Variants in HOXC5 observed in about 807,000 individuals in gnomAD.
HOXC5 encodes the protein homeobox protein Hox-C5.
Under a neutral mutation model 20.1 loss-of-function variants are expected in HOXC5, and 19 were observed. The observed-to-expected ratio is 0.94, with a 90% CI of 0.66 to 1.38. HOXC5 has a LOEUF of 1.38. HOXC5 is among the 40% of genes most tolerant of loss of function. The probability of loss-of-function intolerance (pLI) is 0.00; values close to 1 mark genes in which losing one functional copy is unlikely to be tolerated. For synonymous variants in HOXC5, 124 were observed against 117.0 expected, an observed-to-expected ratio of 1.06 and a Z score of -0.39; for missense variants, 330 against 300.1, an observed-to-expected ratio of 1.10 and a Z score of -0.74.
chr12:54,029,894 A>G, upstream of HOXC5: 6 of 1,608,874 alleles, frequency 3.7e-6, no homozygotes, highest in Non-Finnish European at 5.1e-6. Flanking sequence ...CGGAGGGGCC[A>G]CCGCCGACAG....
the HOXC5 span, chr12:54,020,834 G>A: frequency 6.6e-6 from 1 of 152,188 alleles, no homozygotes; most frequent in African/African-American, 2.4e-5. Context: ...AGACCTTATT[G>A]CTTTTGTTGC....
rs754800729 is a variant in HOXC5 at position 54,033,120 on chromosome 12, G to T, written c.-3G>T. 5 of 1,595,876 alleles carry T rather than the reference G, an allele frequency of 3.1e-6. No individual in the cohort carries two copies. The highest frequency in any genetic ancestry group is 2.3e-5 in the East Asian group (1 of 44,390). Reference sequence around the variant, plus strand: ...GCAGAAATTTTTTTGGGCCCTCCCCGCCATGAGCTCCTACGTAGCCAATTC... The same window carrying T: ...GCAGAAATTTTTTTGGGCCCTCCCCTCCATGAGCTCCTACGTAGCCAATTC... On this transcript the variant is annotated 5_prime_UTR_variant, in exon 1 of 2. Coordinates refer to ENST00000312492, the MANE Select transcript of HOXC5 (RefSeq NM_018953.4).
chr12:54,026,892 A>G, the HOXC5 span, among the ~76,000 whole-genome samples: 1 of 151,924 alleles, frequency 6.6e-6, no homozygotes, highest in African/African-American at 2.4e-5. Context: ...GAAGGAAAAG[A>G]TCATAAAATC....
At chr12:54,019,898 G>C in the HOXC5 span, 1 of 151,942 alleles carries the variant, frequency 6.6e-6, no homozygotes, top group Non-Finnish European at 1.5e-5. Flanking sequence ...TTCACCCCTA[G>C]ACCCATCCTT....
At chr12:54,025,954 A>T in the HOXC5 span, among the ~76,000 whole-genome samples, 50 of 152,154 alleles carry the variant, frequency 3.3e-4, no homozygotes, top group African/African-American at 1.1e-3. Flanking sequence ...CCACCCAGAC[A>T]TAAAAGAGAT....
At chr12:54,034,198 G>A in intron 1 of HOXC5, 80 bp from the exon 2 acceptor site, 1 of 1,332,416 alleles carries the variant, frequency 7.5e-7, no homozygotes, top group Non-Finnish European at 1.1e-6. Context: ...CCGCGGGTGG[G>A]GGCCTGGGCT....
At chr12:54,026,072 G>A in the HOXC5 span, among the ~76,000 whole-genome samples, 1 of 152,084 alleles carries the variant, frequency 6.6e-6, no homozygotes, top group Non-Finnish European at 1.5e-5. Context: ...ATATCTTGAA[G>A]GAAATATCAC....
At chr12:54,027,500 C>A in the HOXC5 span, among the ~76,000 whole-genome samples, 2 of 152,216 alleles carry the variant, frequency 1.3e-5, no homozygotes, top group African/African-American at 4.8e-5. Context: ...ATAATAAATT[C>A]TCACCAACAT....
the HOXC5 span, chr12:54,020,575 G>C: frequency 1.1e-4 from 16 of 152,230 alleles, no homozygotes; most frequent in African/African-American, 2.4e-4. Context: ...ACAGACTCAG[G>C]CTTATGCATG....
In HOXC5 at chr12:54,033,189, A is replaced by G. The variant is rs1941054566; in HGVS notation, c.67A>G (p.Thr23Ala). The stretch of plus-strand genomic sequence containing the variant: ...CAATATCCCTGCCTATAACATGCAA[A>G]CTTGTGGGAACTATGGATCGGCCTC... Reference protein sequence around the residue: ...SPNIPAYNMQTCGNYGSASEV... With the variant: ...SPNIPAYNMQACGNYGSASEV... The change falls in exon 1 of 2, where the codon ACT (threonine) becomes GCT (alanine). Residue 23 changes from threonine to alanine, a missense_variant. By Grantham distance (58) the Thr-to-Ala change is moderately conservative. Coordinates refer to ENST00000312492, the MANE Select transcript of HOXC5 (RefSeq NM_018953.4). 1 of 1,614,132 alleles carries G rather than the reference A, an allele frequency of 6.2e-7. No individual in the cohort carries two copies. Among genetic ancestry groups the G allele is most frequent in the Non-Finnish European group, 8.5e-7 (1 of 1,180,028 alleles).
the HOXC5 span, among the ~76,000 whole-genome samples, chr12:54,023,773 T>C: frequency 6.6e-6 from 1 of 152,208 alleles, no homozygotes; most frequent in Non-Finnish European, 1.5e-5. Context: ...TGTACCTTTT[T>C]GGAATGCGGT....
In HOXC5 at chr12:54,033,435, C is replaced by T. The variant is rs1213171677; in HGVS notation, c.313C>T (p.Arg105Cys). 2 of 1,602,446 alleles carry T rather than the reference C, an allele frequency of 1.2e-6. No individual in the cohort carries two copies. Among genetic ancestry groups the T allele is most frequent in the Non-Finnish European group, 1.7e-6 (2 of 1,175,434 alleles). The change falls in exon 1 of 2, where the codon CGC becomes TGC. Residue 105 changes from arginine (R) to cysteine (C), a missense_variant. Arg to Cys is a radical substitution (Grantham distance 180). Transcript: ENST00000312492. Reference sequence around the variant, plus strand: ...CGGGATGTACAGTCAGAAGGCGGCTCGCCCGGCGCTGGAGGAGCGAGCTAA... The same window carrying T: ...CGGGATGTACAGTCAGAAGGCGGCTTGCCCGGCGCTGGAGGAGCGAGCTAA... The part of the protein sequence containing the change: ...NPGMYSQKAA[R>C]PALEERAKSS...
upstream of HOXC5, among the ~76,000 whole-genome samples, chr12:54,031,258 C>T (rs956467413): frequency 1.3e-5 from 2 of 152,150 alleles, no homozygotes; most frequent in African/African-American, 4.8e-5. Flanking sequence ...CGGGGGGCGC[C>T]GTGAGAGCAA....
chr12:54,023,011 T>G, the HOXC5 span, among the ~76,000 whole-genome samples: 1 of 152,192 alleles, frequency 6.6e-6, no homozygotes, highest in Non-Finnish European at 1.5e-5. Context: ...TTCTGCATTT[T>G]AATTTTTCTC....
In HOXC5 at chr12:54,034,565, C is replaced by A; in HGVS notation, c.*73C>A. On this transcript the variant is annotated 3_prime_UTR_variant, in exon 2 of 2. Transcript: ENST00000312492. ...CCTGCGCCTTTCCTTTTCGCCTTTC[C>A]TCTCTATATTTCGGGTCGGGGGCAG... is the stretch of plus-strand genomic sequence containing the variant. 7.7e-7 allele frequency: 1 copy of A among 1,303,312 alleles called. No homozygotes were observed. The highest frequency in any genetic ancestry group is 1.1e-6 in the Non-Finnish European group (1 of 919,068). The allele number at this position is 1,303,312 out of a possible 1,614,324, so 80.7% of individuals were successfully genotyped here. A position where few individuals can be genotyped will look rare whatever the true frequency, so the allele number is the denominator to read the frequency against.
chr12:54,021,822 TCTG>T, the HOXC5 span: 1 of 152,378 alleles, frequency 6.6e-6, no homozygotes, highest in South Asian at 2.1e-4. Flanking sequence ...ACTTGTTTTG[TCTG>T]CTGCCACCCT....
the HOXC5 span, among the ~76,000 whole-genome samples, chr12:54,026,171 A>G: frequency 6.6e-6 from 1 of 152,064 alleles, no homozygotes; most frequent in African/African-American, 2.4e-5. Context: ...TACTTGTTAC[A>G]CCACTACCCT....
At chr12:54,030,303 A>T, upstream of HOXC5, 1 of 158,022 alleles carries the variant, frequency 6.3e-6, no homozygotes. Flanking sequence ...CACTCCTTCG[A>T]CGCCCCCACC....
At position 54,033,314 on chromosome 12, in the gene HOXC5, T is replaced by C; in HGVS notation, c.192T>C (p.Ala64=). The C allele has an allele frequency of 6.2e-7, 1 of 1,614,020 alleles. No individual in the cohort carries two copies. Among genetic ancestry groups the C allele is most frequent in the South Asian group, 1.1e-5 (1 of 91,084 alleles). Residue 64 remains alanine (A), a synonymous_variant, in exon 1 of 2, where the codon GCT becomes GCC. Coordinates refer to ENST00000312492, the MANE Select transcript of HOXC5 (RefSeq NM_018953.4). ...ACTCTCTCCACGGGGTAGACATGGC[T>C]GCCAACCCCCGGGCTCACCCCGACC... The part of the protein sequence containing the change: ...PSNSLHGVDM[A]ANPRAHPDRP...
Sources: allele counts gnomAD v4.1 joint callset (sites outside exome capture counted in the v4.1 genomes callset), GRCh38; gene constraint gnomAD v4.1.1; transcripts MANE v1.5; gene names NCBI Gene and HGNC (gene_info 2026-07-23, HGNC 2026-07-21).